DHRSX: variants seen among roughly 807,000 people sequenced by gnomAD.
The protein encoded by DHRSX is dehydrogenase/reductase X-linked.
In DHRSX, 31 loss-of-function variants were observed where a neutral mutation model predicts 34.0. That is an observed-to-expected ratio of 0.91 (90% CI 0.69 to 1.23). DHRSX has a LOEUF of 1.23. Ranked by LOEUF, DHRSX falls within the 50% of genes most tolerant of loss-of-function variation. DHRSX has a pLI of 0.00. For synonymous variants in DHRSX, 201 were observed against 183.8 expected, an observed-to-expected ratio of 1.09 and a Z score of -0.76; for missense variants, 414 against 428.1, an observed-to-expected ratio of 0.97 and a Z score of 0.29.
intron 1 of DHRSX, chrX:2,489,937 G>A (rs753681338): frequency 1.2e-5 from 20 of 1,613,758 alleles, no homozygotes; most frequent in Admixed American, 1.7e-5. Flanking sequence ...AGACCTTGGC[G>A]CTGATGCCCC....
chrX:2,230,877 T>C (rs370886743), intron 6 of DHRSX, among the ~76,000 whole-genome samples: 1 of 152,118 alleles, frequency 6.6e-6, no homozygotes, highest in Non-Finnish European at 1.5e-5. Context: ...TAAATCTTTC[T>C]CTATGCATAG....
intron 3 of DHRSX, among the ~76,000 whole-genome samples, chrX:2,385,659 T>G (rs2043262963): frequency 2.0e-5 from 3 of 152,224 alleles, no homozygotes; most frequent in Non-Finnish European, 4.4e-5. Flanking sequence ...AATGCTTCCC[T>G]GTTACCTAAT....
At chrX:2,340,397 A>AT (rs1196815953) in intron 3 of DHRSX, among the ~76,000 whole-genome samples, 2 of 151,866 alleles carry the variant, frequency 1.3e-5, no homozygotes, top group Non-Finnish European at 2.9e-5. Flanking sequence ...CTGTTAATTC[A>AT]TTCTTTTTTG....
At chrX:2,273,584 A>G (rs925325873) in intron 4 of DHRSX, among the ~76,000 whole-genome samples, 2 of 152,278 alleles carry the variant, frequency 1.3e-5, no homozygotes, top group African/African-American at 2.4e-5. Context: ...GTCACCCAGG[A>G]AATGGCCACT....
At chrX:2,480,922 C>T (rs149365167) in intron 1 of DHRSX, among the ~76,000 whole-genome samples, 28 of 152,002 alleles carry the variant, frequency 1.8e-4, no homozygotes, top group African/African-American at 5.8e-4. Flanking sequence ...TAATACATTG[C>T]GTTTTTCAAA....
At chrX:2,404,800 T>C (rs191301737) in intron 3 of DHRSX, among the ~76,000 whole-genome samples, 2 of 152,298 alleles carry the variant, frequency 1.3e-5, no homozygotes, top group East Asian at 1.9e-4. Flanking sequence ...GTCCTTTAAA[T>C]GTTAATCCGA....
At chrX:2,238,254 G>A (rs2016061458) in intron 6 of DHRSX, among the ~76,000 whole-genome samples, 2 of 152,144 alleles carry the variant, frequency 1.3e-5, no homozygotes, top group Admixed American at 1.3e-4. Flanking sequence ...CTACTCGGGA[G>A]GTGGAGGTGG....
At chrX:2,356,439 C>T (rs769079736) in intron 3 of DHRSX, among the ~76,000 whole-genome samples, 2 of 151,334 alleles carry the variant, frequency 1.3e-5, no homozygotes, top group South Asian at 2.1e-4. Flanking sequence ...CTTGTGGAAG[C>T]GTGTAGAATG....
rs1323004163 is a variant in DHRSX, at chrX:2,332,347, A to G, written c.287-40744T>C. ...CGCTGGAGAAATATGCCAGGAAGGG[A>G]AGGGAAGGGATGGTCAGAAGCTAGT... On this transcript the variant is annotated intron_variant, in intron 3 of 6. Coordinates refer to ENST00000334651, the MANE Select transcript of DHRSX (RefSeq NM_145177.3). Among the ~76,000 whole-genome samples, 6 of 152,098 alleles carry G rather than the reference A, an allele frequency of 3.9e-5. No homozygotes were observed. In the East Asian group the frequency reaches 9.6e-4, roughly 24 times the overall value.
At chrX:2,389,123 G>A (rs1426889935) in intron 3 of DHRSX, among the ~76,000 whole-genome samples, 2 of 152,160 alleles carry the variant, frequency 1.3e-5, no homozygotes, top group African/African-American at 2.4e-5. Context: ...CATTAGAAGC[G>A]CCGCAGGTGG....
In DHRSX at chrX:2,408,840, C is replaced by T. The variant is rs145692626; in HGVS notation, c.218-27G>A. On this transcript the variant is annotated intron_variant, in intron 2 of 6. Coordinates refer to ENST00000334651, the MANE Select transcript of DHRSX (RefSeq NM_145177.3). The stretch of plus-strand genomic sequence containing the variant: ...TAAAAGGAAAAAGAAAAAAAAGATA[C>T]GGTGACTTGTAGGATTATCCAGAAA... 1.0e-3 allele frequency: 1,575 copies of T among 1,572,568 alleles called. 17 individuals carry two copies. In the African/African-American group the frequency reaches 0.017, roughly 17 times the overall value.
intron 6 of DHRSX, among the ~76,000 whole-genome samples, chrX:2,231,015 T>C (rs2015864207): frequency 6.6e-6 from 1 of 152,104 alleles, no homozygotes; most frequent in Non-Finnish European, 1.5e-5. Flanking sequence ...TTGGCTCATC[T>C]CTTAGCTTGA....
chrX:2,225,189 A>G (rs776757598), intron 6 of DHRSX, among the ~76,000 whole-genome samples: 1 of 148,114 alleles, frequency 6.8e-6, no homozygotes, highest in East Asian at 2.0e-4. Flanking sequence ...CAGCTCACAC[A>G]TGCACACATT....
chrX:2,385,437 G>T (rs990419375), intron 3 of DHRSX, among the ~76,000 whole-genome samples: 2 of 151,982 alleles, frequency 1.3e-5, no homozygotes, highest in Non-Finnish European at 2.9e-5. Flanking sequence ...GCCACAGCAG[G>T]CATCACTAAT....
intron 1 of DHRSX, among the ~76,000 whole-genome samples, chrX:2,460,917 G>A (rs1278245503): frequency 3.3e-5 from 5 of 151,778 alleles, no homozygotes; most frequent in Non-Finnish European, 7.4e-5. Flanking sequence ...ACAGGATCTC[G>A]CTGTTTGCCC....
intron 3 of DHRSX, among the ~76,000 whole-genome samples, chrX:2,300,011 CAAG>C (rs1209273975): frequency 6.6e-6 from 1 of 151,864 alleles, no homozygotes; most frequent in African/African-American, 2.4e-5. Flanking sequence ...AAATAGGGAT[CAAG>C]AAGAAAAAAA....
intron 3 of DHRSX, among the ~76,000 whole-genome samples, chrX:2,399,065 A>G (rs1323973226): frequency 6.6e-6 from 1 of 152,048 alleles, no homozygotes; most frequent in African/African-American, 2.4e-5. Flanking sequence ...TGTGTTAGCC[A>G]GGATGGTCTC....
intron 6 of DHRSX, among the ~76,000 whole-genome samples, chrX:2,230,252 T>C (rs2015844262): frequency 6.6e-6 from 1 of 152,200 alleles, no homozygotes; most frequent in South Asian, 2.1e-4. Flanking sequence ...CATGTGTACG[T>C]GCACACACGT....
chrX:2,270,062 T>A (rs2041529242), intron 4 of DHRSX, among the ~76,000 whole-genome samples: 1 of 152,174 alleles, frequency 6.6e-6, no homozygotes, highest in African/African-American at 2.4e-5. Context: ...TATCCGTAGG[T>A]GTATACATTT....
Sources: gnomAD v4.1 joint callset for allele counts (sites outside exome capture counted in the v4.1 genomes callset) on GRCh38, gnomAD v4.1.1 for gene constraint, MANE v1.5 for transcripts, NCBI Gene and HGNC (gene_info 2026-07-23, HGNC 2026-07-21) for gene names.